Variants in DIP2B observed in about 807,000 individuals in gnomAD.
DIP2B encodes the protein DIP2 acetate--CoA ligase B (putative).
DIP2B carries 76 observed loss-of-function variants against 198.0 expected under a neutral mutation model. The ratio of observed to expected loss-of-function variants is 0.38; its 90% CI spans 0.32 to 0.46. The LOEUF is 0.46. DIP2B is among the 20% of genes least tolerant of loss of function. DIP2B has a pLI of 0.99. For missense variants in DIP2B, 1,559 were observed against 1,978.4 expected (o/e 0.79, Z 4.02); for synonymous variants, 701 against 739.1 (o/e 0.95, Z 0.84).
chr12:50,640,703 C>T, intron 2 of DIP2B, 21 bp from the exon 3 acceptor site: 2 of 1,610,886 alleles, frequency 1.2e-6, no homozygotes, highest in Non-Finnish European at 1.7e-6. Context: ...GGATAACCAT[C>T]TTTTAAACTT....
At chr12:50,535,109 G>A (rs1958251953) in intron 1 of DIP2B, among the ~76,000 whole-genome samples, 1 of 152,086 alleles carries the variant, frequency 6.6e-6, no homozygotes, top group Admixed American at 6.6e-5. Context: ...GTGCATGCCT[G>A]TAGTCCCAGC....
chr12:50,529,077 A>G (rs1464481848), intron 1 of DIP2B, among the ~76,000 whole-genome samples: 5 of 152,324 alleles, frequency 3.3e-5, no homozygotes, highest in Non-Finnish European at 7.3e-5. Flanking sequence ...GAGGGGCAGG[A>G]CATGGCAGTA....
intron 6 of DIP2B, 129 bp downstream of exon 6, chr12:50,674,758 T>A: frequency 1.8e-6 from 2 of 1,123,682 alleles, no homozygotes; most frequent in Non-Finnish European, 2.5e-6. Context: ...TAATAACTAA[T>A]CCTGGGTACC....
At chr12:50,648,706 C>T (rs189064261) in intron 3 of DIP2B, among the ~76,000 whole-genome samples, 292 of 151,424 alleles carry the variant, frequency 1.9e-3, no homozygotes, top group African/African-American at 6.8e-3. Context: ...TTCCCCCCCC[C>T]CTCCTTACTT....
In DIP2B at chr12:50,722,241, G is replaced by T. The variant is rs557989540; in HGVS notation, c.3166+845G>T. Among the ~76,000 whole-genome samples the T allele has an allele frequency of 1.1e-3, 164 of 148,812 alleles. 1 individual carries two copies. The highest frequency in any genetic ancestry group is 3.4e-3 in the Middle Eastern group (1 of 294). ...TCATATTGTTCTGTGATTTTTTTTT[G>T]TTTGTTTGTTTGTTTATTTTATTTT... On this transcript the variant is annotated intron_variant, in intron 26 of 37. Coordinates refer to ENST00000301180, the MANE Select transcript of DIP2B (RefSeq NM_173602.3).
At chr12:50,696,289 G>A (rs1483676901) in intron 16 of DIP2B, among the ~76,000 whole-genome samples, 2 of 152,204 alleles carry the variant, frequency 1.3e-5, no homozygotes, top group Non-Finnish European at 2.9e-5. Context: ...ATGCAGTCAT[G>A]CAGTATGTGG....
intron 1 of DIP2B, among the ~76,000 whole-genome samples, chr12:50,564,180 C>CT (rs1434595400): frequency 6.6e-6 from 1 of 152,014 alleles, no homozygotes; most frequent in East Asian, 1.9e-4. Flanking sequence ...TCTCTTGGTA[C>CT]TATTTAGGGA....
intron 21 of DIP2B, among the ~76,000 whole-genome samples, chr12:50,708,070 C>T (rs1039204764): frequency 6.6e-6 from 1 of 151,838 alleles, no homozygotes; most frequent in African/African-American, 2.4e-5. Context: ...AATGTCCGCT[C>T]CTCAGGGAGG....
At chr12:50,713,803 G>GTGGGT (rs11275016) in intron 22 of DIP2B, among the ~76,000 whole-genome samples, 1 of 151,772 alleles carries the variant, frequency 6.6e-6, no homozygotes, top group Non-Finnish European at 1.5e-5. Flanking sequence ...GCTGGGCATG[G>GTGGGT]TATGACAGTA....
chr12:50,542,019 GC>G (rs1240698035), intron 1 of DIP2B, among the ~76,000 whole-genome samples: 1 of 149,126 alleles, frequency 6.7e-6, no homozygotes, highest in East Asian at 2.0e-4. Context: ...GAGACCGGGC[GC>G]GGTGGCTCAC....
rs574094568 is a variant in DIP2B, at chr12:50,701,697, G to A, written c.2326-2443G>A. ...CCACACCAGGCCAAGATCTAGTATT[G>A]ACTAGTCAGAAAATAAAAATATTTT... On this transcript the variant is annotated intron_variant, in intron 19 of 37. Coordinates refer to ENST00000301180, the MANE Select transcript of DIP2B (RefSeq NM_173602.3). Among the ~76,000 whole-genome samples, 16 of 152,070 alleles carry A rather than the reference G, an allele frequency of 1.1e-4. No homozygotes were observed. The South Asian group carries it at 3.3e-3, about 32-fold the overall frequency.
chr12:50,560,689 T>C (rs1280399585), intron 1 of DIP2B, among the ~76,000 whole-genome samples: 1 of 152,158 alleles, frequency 6.6e-6, no homozygotes, highest in Non-Finnish European at 1.5e-5. Flanking sequence ...AGGCAGAGGT[T>C]GCAGTAAGCT....
At chr12:50,609,164 G>C (rs1473115147) in intron 1 of DIP2B, among the ~76,000 whole-genome samples, 1 of 151,960 alleles carries the variant, frequency 6.6e-6, no homozygotes, top group African/African-American at 2.4e-5. Context: ...ATTATCAAGA[G>C]GATTAACAAT....
At chr12:50,662,526 C>A (rs1396843221) in intron 4 of DIP2B, among the ~76,000 whole-genome samples, 1 of 152,178 alleles carries the variant, frequency 6.6e-6, no homozygotes, top group Admixed American at 6.5e-5. Context: ...ATTTGCTGTT[C>A]CCACATTAGG....
intron 2 of DIP2B, among the ~76,000 whole-genome samples, chr12:50,626,432 T>C (rs1421244600): frequency 1.3e-5 from 2 of 152,174 alleles, no homozygotes; most frequent in Non-Finnish European, 2.9e-5. Flanking sequence ...CGAATGGCAA[T>C]ACTTGAGGAT....
At position 50,666,276 on chromosome 12, in the gene DIP2B, G is replaced by C. The variant is rs144844514; in HGVS notation, c.428-4910G>C. 7.9e-4 allele frequency among the ~76,000 whole-genome samples: 121 copies of C among 152,248 alleles called. 2 individuals are homozygous for C. The highest frequency in any genetic ancestry group is 2.7e-3 in the African/African-American group (113 of 41,532). ...GCATGCCCTCAGTGTACCAGTCAAA[G>C]GGCTAAGTGCTTAACATATATTTTT... On this transcript the variant is annotated intron_variant, in intron 4 of 37. Transcript: ENST00000301180.
chr12:50,638,040 C>T (rs1262753172), intron 2 of DIP2B, among the ~76,000 whole-genome samples: 1 of 152,160 alleles, frequency 6.6e-6, no homozygotes, highest in East Asian at 1.9e-4. Context: ...GTTACTAAAC[C>T]TTTTAACATC....
intron 1 of DIP2B, among the ~76,000 whole-genome samples, chr12:50,591,811 G>A (rs572012360): frequency 6.6e-6 from 1 of 150,764 alleles, no homozygotes; most frequent in East Asian, 2.0e-4. Context: ...TTTGCATTCT[G>A]GCTGCTATTT....
chr12:50,605,980 C>T (rs977076392), intron 1 of DIP2B, among the ~76,000 whole-genome samples: 13 of 150,822 alleles, frequency 8.6e-5, no homozygotes, highest in Admixed American at 2.6e-4. Context: ...TGCCACCATG[C>T]CCGGCTACTT....
Sources: allele counts gnomAD v4.1 joint callset (sites outside exome capture counted in the v4.1 genomes callset), GRCh38; gene constraint gnomAD v4.1.1; transcripts MANE v1.5; gene names NCBI Gene and HGNC (gene_info 2026-07-23, HGNC 2026-07-21).